NSMCE1: variants seen among roughly 807,000 people sequenced by gnomAD.
NSMCE1 encodes NSE1 component of SMC5/6 complex.
A neutral mutation model predicts 29.6 loss-of-function variants in NSMCE1; 18 were observed. That is an observed-to-expected ratio of 0.61 (90% CI 0.42 to 0.90). The LOEUF is 0.90. NSMCE1 is among the 40% of genes least tolerant of loss of function. NSMCE1 has a pLI of 0.00. For missense variants in NSMCE1, 314 were observed against 343.6 expected (o/e 0.91, Z 0.68); for synonymous variants, 124 against 133.4 (o/e 0.93, Z 0.49).
At chr16:27,259,441 G>A (rs1482511432) in intron 1 of NSMCE1, among the ~76,000 whole-genome samples, 1 of 152,166 alleles carries the variant, frequency 6.6e-6, no homozygotes, top group Non-Finnish European at 1.5e-5. Context: ...GTTAGAATGT[G>A]CTAGGCTAAA....
intron 1 of NSMCE1, 67 bp from the exon 2 acceptor site, chr16:27,257,648 C>T: frequency 1.6e-6 from 2 of 1,277,492 alleles, no homozygotes; most frequent in Non-Finnish European, 2.2e-6. Context: ...GGGTCTTGTA[C>T]TAATTTACAT....
At chr16:27,238,217 C>T (rs1156502411) in intron 2 of NSMCE1, among the ~76,000 whole-genome samples, 1 of 152,166 alleles carries the variant, frequency 6.6e-6, no homozygotes, top group Admixed American at 6.5e-5. Context: ...CCTGCGTGAG[C>T]CTCTCCCCCA....
intron 7 of NSMCE1, among the ~76,000 whole-genome samples, 199 bp from the exon 8 acceptor site, chr16:27,225,435 G>A (rs563604240): frequency 2.6e-5 from 4 of 152,356 alleles, no homozygotes; most frequent in Admixed American, 1.3e-4. Context: ...GGGAGCTGTG[G>A]ACATAGCTTT....
chr16:27,262,519 G>T (rs1567285639), intron 1 of NSMCE1, among the ~76,000 whole-genome samples: 1 of 152,156 alleles, frequency 6.6e-6, no homozygotes, highest in Admixed American at 6.5e-5. Flanking sequence ...AATAAATGGT[G>T]CTAGTATAAG....
At chr16:27,239,548 C>A (rs2083867328) in intron 2 of NSMCE1, among the ~76,000 whole-genome samples, 1 of 152,212 alleles carries the variant, frequency 6.6e-6, no homozygotes, top group Non-Finnish European at 1.5e-5. Context: ...AACAACACCA[C>A]TCCTTTTCAG....
chr16:27,225,157 C>A lies in NSMCE1; in HGVS notation c.801G>T (p.Ter267TyrextTer38). 6.3e-7 allele frequency: 1 copy of A among 1,589,488 alleles called. No individual in the cohort carries two copies. Among genetic ancestry groups the A allele is most frequent in the Non-Finnish European group, 8.6e-7 (1 of 1,162,506 alleles). ...NKKSLRSRQH[*>Y] ...CCAGCCCCTCAGCAGGGCACGATGG[C>A]TAATGCTGCCTGGACCGCAGGGACT... Residue 267 changes from the stop codon to tyrosine, a stop_lost, in exon 8 of 8, where the codon TAG becomes TAT. Transcript: ENST00000361439.
At position 27,255,311 on chromosome 16, in the gene NSMCE1, T is replaced by C. The variant is rs922954649; in HGVS notation, c.136+2124A>G. ...GGCGCATCTACCTTCACCACGGAGA[T>C]GGTTCTCAAACCTAAAACTGTCTCT... On this transcript the variant is annotated intron_variant, in intron 2 of 7. Coordinates refer to ENST00000361439, the MANE Select transcript of NSMCE1 (RefSeq NM_145080.4). Among the ~76,000 whole-genome samples, 6 of 152,198 alleles carry C rather than the reference T, an allele frequency of 3.9e-5. No homozygotes were observed. In the East Asian group the frequency reaches 9.6e-4, roughly 24 times the overall value.
intron 2 of NSMCE1, 145 bp from the exon 3 acceptor site, chr16:27,235,444 C>A: frequency 1.2e-6 from 1 of 802,976 alleles, no homozygotes; most frequent in Non-Finnish European, 2.0e-6. Flanking sequence ...TGGGTGAACG[C>A]CAATGCCACG....
chr16:27,234,308 G>T, intron 3 of NSMCE1, 43 bp from the exon 4 acceptor site: 1 of 1,384,894 alleles, frequency 7.2e-7, no homozygotes, highest in Non-Finnish European at 1.0e-6. Flanking sequence ...TGCTCTTTGC[G>T]TGTTGGTTAA....
At chr16:27,251,030 G>A (rs530149501) in intron 2 of NSMCE1, among the ~76,000 whole-genome samples, 3 of 147,932 alleles carry the variant, frequency 2.0e-5, no homozygotes, top group East Asian at 2.0e-4. Context: ...TAGTAGAGAC[G>A]GGGTTTCTCC....
intron 2 of NSMCE1, among the ~76,000 whole-genome samples, chr16:27,242,737 A>G (rs573774464): frequency 6.6e-6 from 1 of 152,334 alleles, no homozygotes; most frequent in South Asian, 2.1e-4. Context: ...GATGCTGTTC[A>G]TACACATTTC....
chr16:27,268,022 C>T (rs1490455715), intron 1 of NSMCE1: 1 of 152,158 alleles, frequency 6.6e-6, no homozygotes, highest in African/African-American at 2.4e-5. Context: ...GAATTATAGC[C>T]GTGGGCCACC....
intron 1 of NSMCE1, among the ~76,000 whole-genome samples, chr16:27,267,436 G>C (rs918378833): frequency 6.6e-6 from 1 of 152,104 alleles, no homozygotes; most frequent in Non-Finnish European, 1.5e-5. Context: ...GAGGGCACAA[G>C]GTGACACACA....
intron 6 of NSMCE1, chr16:27,226,329 T>C (rs116278536): frequency 2.3e-4 from 53 of 227,722 alleles, no homozygotes; most frequent in African/African-American, 1.1e-3. Context: ...GACACATCAA[T>C]GTCCACGCTG....
At chr16:27,227,597 A>T (rs2083712271) in intron 5 of NSMCE1, among the ~76,000 whole-genome samples, 1 of 152,252 alleles carries the variant, frequency 6.6e-6, no homozygotes, top group Admixed American at 6.5e-5. Flanking sequence ...CACGGGACCC[A>T]GGACATGGAC....
At chr16:27,245,366 C>A (rs114070664) in intron 2 of NSMCE1, among the ~76,000 whole-genome samples, 1 of 152,246 alleles carries the variant, frequency 6.6e-6, no homozygotes, top group African/African-American at 2.4e-5. Context: ...AGTACTTCCA[C>A]GCATCAGCAC....
chr16:27,246,232 A>T (rs1340833787), intron 2 of NSMCE1, among the ~76,000 whole-genome samples: 1 of 152,210 alleles, frequency 6.6e-6, no homozygotes, highest in East Asian at 1.9e-4. Context: ...ACATCAAATT[A>T]TTTACTCTGC....
intron 2 of NSMCE1, among the ~76,000 whole-genome samples, chr16:27,250,438 ATTGTTT>A (rs1248006713): frequency 2.7e-5 from 4 of 148,748 alleles, no homozygotes; most frequent in Non-Finnish European, 4.5e-5. Flanking sequence ...TGCTGAGGGT[ATTGTTT>A]TTGTTTTTGT....
At chr16:27,265,399 C>A (rs2141013629) in intron 1 of NSMCE1, among the ~76,000 whole-genome samples, 1 of 152,108 alleles carries the variant, frequency 6.6e-6, no homozygotes, top group Non-Finnish European at 1.5e-5. Flanking sequence ...TACTCCTGGA[C>A]TCAAGCGATC....
Sources: gnomAD v4.1 joint callset for allele counts (sites outside exome capture counted in the v4.1 genomes callset) on GRCh38, gnomAD v4.1.1 for gene constraint, MANE v1.5 for transcripts, NCBI Gene and HGNC (gene_info 2026-07-23, HGNC 2026-07-21) for gene names.